Variants in ZPBP observed in about 807,000 individuals in gnomAD.
The protein encoded by ZPBP is zona pellucida-binding protein 1.
Under a neutral mutation model 44.8 loss-of-function variants are expected in ZPBP, and 26 were observed. That is an observed-to-expected ratio of 0.58 (90% confidence interval 0.43 to 0.81). The LOEUF (loss-of-function observed/expected upper bound fraction) is 0.81. ZPBP is among the 30% of genes least tolerant of loss of function. The pLI is 0.00. For synonymous variants in ZPBP, 174 were observed against 153.2 expected (o/e 1.14, Z -1.00); for missense variants, 409 against 434.0 (o/e 0.94, Z 0.51).
At chr7:50,038,175 C>G (rs1225924269) in intron 4 of ZPBP, among the ~76,000 whole-genome samples, 2 of 152,178 alleles carry the variant, frequency 1.3e-5, no homozygotes, top group African/African-American at 4.8e-5. Flanking sequence ...ACTCAGAAAG[C>G]AGCACACCAC....
intron 7 of ZPBP, among the ~76,000 whole-genome samples, chr7:49,953,169 TAA>T (rs1326442769): frequency 6.6e-6 from 1 of 152,006 alleles, no homozygotes; most frequent in Non-Finnish European, 1.5e-5. Flanking sequence ...GTCCCTCAAT[TAA>T]GGAGACCAAC....
intron 7 of ZPBP, chr7:49,943,178 A>T: frequency 6.3e-6 from 2 of 316,762 alleles, no homozygotes; most frequent in Non-Finnish European, 1.2e-5. Flanking sequence ...GCTTCTCAAT[A>T]AAGTCCTCAG....
chr7:50,029,560 G>A (rs1054778083), intron 5 of ZPBP, among the ~76,000 whole-genome samples: 2 of 152,142 alleles, frequency 1.3e-5, no homozygotes, highest in Admixed American at 1.3e-4. Context: ...AGAAATATTT[G>A]CATATCGCAT....
At position 50,031,242 on chromosome 7, in the gene ZPBP, A is replaced by C. The variant is rs1318042577; in HGVS notation, c.556T>G (p.Tyr186Asp). The change falls in exon 5 of 8, where the codon TAT (tyrosine) becomes GAT (aspartate). Residue 186 changes from tyrosine (Y) to aspartate (D), a missense_variant. Tyr to Asp is a radical substitution (Grantham distance 160). This residue lies in a region of ZPBP where 367 missense variants were observed against 363.1 expected (regional missense o/e 1.01). Transcript: ENST00000046087. ...AGTTTCTTCTCAAAAGAAATATTAT[A>C]AATGCTATTGCAGGGAGCTGCATGA... ...RYHAAPCNSI[Y>D]NISFEKKLLQ... 2 of 1,612,818 alleles carry C rather than the reference A, an allele frequency of 1.2e-6. No homozygotes were observed. The highest frequency in any genetic ancestry group is 2.2e-5 in the East Asian group (1 of 44,792).
At chr7:50,082,285 T>TA (rs1319060982) in intron 2 of ZPBP, among the ~76,000 whole-genome samples, 1 of 151,858 alleles carries the variant, frequency 6.6e-6, no homozygotes, top group East Asian at 1.9e-4. Flanking sequence ...GATTAGAGCT[T>TA]AAAAATTGTT....
intron 1 of ZPBP, chr7:50,092,764 A>C: frequency 3.7e-6 from 1 of 267,266 alleles, no homozygotes; most frequent in Non-Finnish European, 7.0e-6. Flanking sequence ...CTGAAATGCA[A>C]ACCTGGCAGA....
chr7:49,934,343 T>G (rs1006085113), downstream of ZPBP, among the ~76,000 whole-genome samples: 2 of 152,306 alleles, frequency 1.3e-5, no homozygotes, highest in Admixed American at 1.3e-4. Context: ...AAGCAATGTC[T>G]TCTCTACTTT....
chr7:49,957,933 C>T (rs1388651919), intron 7 of ZPBP, among the ~76,000 whole-genome samples: 1 of 152,220 alleles, frequency 6.6e-6, no homozygotes, highest in Non-Finnish European at 1.5e-5. Flanking sequence ...GCTTCTCGAG[C>T]CCTTGAGGGC....
At chr7:49,941,661 C>A (rs528460242) in intron 7 of ZPBP, among the ~76,000 whole-genome samples, 43 of 152,058 alleles carry the variant, frequency 2.8e-4, no homozygotes, top group African/African-American at 1.0e-3. Flanking sequence ...AATAGAAAGA[C>A]ATATCATGTT....
chr7:49,977,126 T>C (rs1796563004), intron 7 of ZPBP, among the ~76,000 whole-genome samples: 1 of 151,200 alleles, frequency 6.6e-6, no homozygotes, highest in South Asian at 2.1e-4. Context: ...AATAAATAAA[T>C]AAATAAATAG....
intron 2 of ZPBP, among the ~76,000 whole-genome samples, chr7:49,865,349 G>T (rs1790834224): frequency 6.6e-6 from 1 of 152,226 alleles, no homozygotes; most frequent in Non-Finnish European, 1.5e-5. Context: ...ACTGAAGTGT[G>T]TAACCCTCAG....
chr7:50,018,285 C>T lies in ZPBP; in HGVS notation c.738G>A (p.Lys246=). Residue 246 remains lysine, a synonymous_variant, in exon 6 of 8, where the codon AAG becomes AAA. Coordinates refer to ENST00000046087, the MANE Select transcript of ZPBP (RefSeq NM_007009.3). ...GTTCACAGTTATGGTCTGTACATCGCTTGGGTCCTTTTTCAGTGTCTAGAG... is the reference window on the plus strand; with the variant it reads ...GTTCACAGTTATGGTCTGTACATCGTTTGGGTCCTTTTTCAGTGTCTAGAG... ...VSSLDTEKGP[K]RCTDHNCEPY... 22 of 1,610,338 alleles carry T rather than the reference C, an allele frequency of 1.4e-5. No individual in the cohort carries two copies. Among genetic ancestry groups the T allele is most frequent in the Non-Finnish European group, 1.9e-5 (22 of 1,178,708 alleles).
chr7:49,967,554 T>C (rs1369237120), intron 7 of ZPBP, among the ~76,000 whole-genome samples: 1 of 152,078 alleles, frequency 6.6e-6, no homozygotes, highest in Admixed American at 6.5e-5. Context: ...TATTTTATAT[T>C]TTATTTATTG....
At chr7:50,076,076 C>T (rs1317366380) in intron 3 of ZPBP, among the ~76,000 whole-genome samples, 1 of 151,804 alleles carries the variant, frequency 6.6e-6, no homozygotes, top group African/African-American at 2.4e-5. Flanking sequence ...GGACTTATTC[C>T]TGTGATGCGA....
At chr7:50,074,490 A>C (rs937860604) in intron 3 of ZPBP, among the ~76,000 whole-genome samples, 1 of 151,948 alleles carries the variant, frequency 6.6e-6, no homozygotes, top group African/African-American at 2.4e-5. Context: ...GTAGATGAAA[A>C]AACAAGACCC....
At chr7:50,060,114 T>C (rs993974844) in intron 3 of ZPBP, among the ~76,000 whole-genome samples, 3 of 152,132 alleles carry the variant, frequency 2.0e-5, no homozygotes, top group African/African-American at 7.2e-5. Flanking sequence ...GAAGTAGACA[T>C]GGAGCGGCCC....
chr7:49,858,916 C>CA (rs1357337872), intron 2 of ZPBP, among the ~76,000 whole-genome samples: 1 of 152,242 alleles, frequency 6.6e-6, no homozygotes, highest in East Asian at 1.9e-4. Context: ...TCCACATTGA[C>CA]AAAGGTTGAA....
chr7:49,987,687 T>C (rs1355333101), intron 6 of ZPBP, among the ~76,000 whole-genome samples: 2 of 151,720 alleles, frequency 1.3e-5, no homozygotes, highest in Admixed American at 1.3e-4. Context: ...TCTAAATAGT[T>C]ACTGGATCTT....
chr7:49,983,427 A>T lies in ZPBP; in HGVS notation c.876T>A (p.Gly292=). The change falls in exon 7 of 8, where the codon GGT becomes GGA. Residue 292 remains glycine (G), a synonymous_variant. Transcript: ENST00000046087. ...GATTAATCCAAACCATTTGGAGAGT[A>T]CCTTCAATATAGTATATTTGAGGTA... ...EQLPQIYYIE[G]TLQMVWINRC... is the part of the protein sequence containing the mutation. 1 of 1,612,810 alleles carries T rather than the reference A, an allele frequency of 6.2e-7. No individual in the cohort carries two copies. Among genetic ancestry groups the T allele is most frequent in the Non-Finnish European group, 8.5e-7 (1 of 1,179,034 alleles).
Sources: allele counts gnomAD v4.1 joint callset (sites outside exome capture counted in the v4.1 genomes callset), GRCh38; gene constraint gnomAD v4.1.1; regional missense constraint gnomAD v4.1.1; transcripts MANE v1.5; gene names NCBI Gene and HGNC (gene_info 2026-07-23, HGNC 2026-07-21).